The following MTUS2 variants were observed in gnomAD, a reference collection of about 807,000 sequenced individuals.
The protein encoded by MTUS2 is microtubule associated scaffold protein 2.
Under a neutral mutation model 114.1 loss-of-function variants are expected in MTUS2, and 40 were observed. That is an observed-to-expected ratio of 0.35 (90% CI 0.27 to 0.46). The LOEUF is 0.46. Among genes scored for constraint, MTUS2 ranks in the 20% least tolerant of loss-of-function variants. MTUS2 has a pLI of 1.00. For synonymous variants in MTUS2, 688 were observed against 672.0 expected, an observed-to-expected ratio of 1.02 and a Z score of -0.37; for missense variants, 1,679 against 1,705.4, an observed-to-expected ratio of 0.98 and a Z score of 0.27.
intron 2 of MTUS2, among the ~76,000 whole-genome samples, chr13:29,006,078 A>G (rs1032494020): frequency 6.6e-6 from 1 of 152,144 alleles, no homozygotes; most frequent in Non-Finnish European, 1.5e-5. Context: ...TTTCTCTTGT[A>G]TGGAGGGGCT....
intron 5 of MTUS2, among the ~76,000 whole-genome samples, chr13:29,220,826 T>C (rs2139320789): frequency 6.6e-6 from 1 of 152,312 alleles, no homozygotes; most frequent in South Asian, 2.1e-4. Flanking sequence ...GAGAAGTAGA[T>C]TACACCACAG....
intron 5 of MTUS2, among the ~76,000 whole-genome samples, chr13:29,275,199 T>C (rs142377850): frequency 6.6e-6 from 1 of 152,306 alleles, no homozygotes; most frequent in East Asian, 1.9e-4. Context: ...TTATTGTTTT[T>C]TAGATTTAAA....
intron 15 of MTUS2, among the ~76,000 whole-genome samples, chr13:29,501,637 C>T (rs1049099089): frequency 4.6e-5 from 7 of 152,288 alleles, no homozygotes; most frequent in Non-Finnish European, 7.4e-5. Context: ...TGTTCAGGCT[C>T]CTCCCTCACA....
At position 29,012,221 on chromosome 13, in the gene MTUS2, G is replaced by A. The variant is rs148686198; in HGVS notation, c.-242-12236G>A. Among the ~76,000 whole-genome samples, 118 of 152,244 alleles carry A rather than the reference G, an allele frequency of 7.8e-4. No homozygotes were observed. In the East Asian group the frequency reaches 9.9e-3, roughly 13 times the overall value. On this transcript the variant is annotated intron_variant, in intron 2 of 15. Coordinates refer to ENST00000612955, the MANE Select transcript of MTUS2 (RefSeq NM_001033602.4). ...CTGCTCTGAAGTAAACCCATGTGGC[G>A]AAGCTTGGTGGAGAGTGGCCTAGCA...
At chr13:29,267,080 G>A (rs1420636332) in intron 5 of MTUS2, among the ~76,000 whole-genome samples, 2 of 152,212 alleles carry the variant, frequency 1.3e-5, no homozygotes, top group Non-Finnish European at 2.9e-5. Context: ...GTCTCAGCAA[G>A]AGGCACTAAG....
intron 7 of MTUS2, among the ~76,000 whole-genome samples, chr13:29,334,836 A>G (rs963130101): frequency 1.3e-5 from 2 of 152,120 alleles, no homozygotes; most frequent in Admixed American, 6.5e-5. Context: ...GTGGATATTT[A>G]TCACTTCCCC....
At chr13:29,330,396 T>A (rs562123381) in intron 7 of MTUS2, among the ~76,000 whole-genome samples, 1 of 152,350 alleles carries the variant, frequency 6.6e-6, no homozygotes, top group East Asian at 1.9e-4. Context: ...GCCTGTTCAC[T>A]CTGATGCTAG....
At chr13:29,399,751 C>T (rs1366093861) in intron 8 of MTUS2, among the ~76,000 whole-genome samples, 1 of 152,050 alleles carries the variant, frequency 6.6e-6, no homozygotes. Flanking sequence ...TTATTAAAAA[C>T]AATAGTGACT....
At chr13:29,091,870 A>G (rs764040473) in intron 4 of MTUS2, among the ~76,000 whole-genome samples, 2 of 152,238 alleles carry the variant, frequency 1.3e-5, no homozygotes, top group Non-Finnish European at 2.9e-5. Flanking sequence ...TCAAAGCACA[A>G]GAAGCCAAGA....
intron 8 of MTUS2, among the ~76,000 whole-genome samples, chr13:29,421,989 G>A (rs1038306803): frequency 6.6e-6 from 1 of 152,224 alleles, no homozygotes; most frequent in Non-Finnish European, 1.5e-5. Context: ...TAGGTTGTTT[G>A]TATATTTGTT....
At chr13:29,009,255 C>T (rs11618690) in intron 2 of MTUS2, among the ~76,000 whole-genome samples, 77,079 of 151,784 alleles carry the variant, frequency 0.51, 19,749 homozygotes, top group South Asian at 0.72. Context: ...CAATCTATGG[C>T]ACAGCCATAT....
In MTUS2 at chr13:29,333,701, G is replaced by T. The variant is rs75614939; in HGVS notation, c.2905+8990G>T. The stretch of plus-strand genomic sequence containing the variant: ...GGAGAGTTCTGTAGATGACTATTAG[G>T]TCCGTTTGGTCCAGAGCTGAGTTCA... On this transcript the variant is annotated intron_variant, in intron 7 of 15. Transcript: ENST00000612955. Among the ~76,000 whole-genome samples, 3 of 152,238 alleles carry T rather than the reference G, an allele frequency of 2.0e-5. No homozygotes were observed. The East Asian group carries it at 5.8e-4, about 29-fold the overall frequency.
intron 7 of MTUS2, among the ~76,000 whole-genome samples, chr13:29,337,229 C>T (rs557657702): frequency 6.6e-6 from 1 of 152,252 alleles, no homozygotes; most frequent in East Asian, 1.9e-4. Context: ...CTGTGTCTAC[C>T]CGAATGGCCA....
At chr13:28,858,232 T>C (rs1230659249) in intron 2 of MTUS2, among the ~76,000 whole-genome samples, 3 of 152,184 alleles carry the variant, frequency 2.0e-5, no homozygotes, top group African/African-American at 7.2e-5. Flanking sequence ...GAAAGACTTT[T>C]CTACCTTGCA....
At chr13:29,499,123 T>C (rs977924901) in intron 14 of MTUS2, among the ~76,000 whole-genome samples, 1 of 152,226 alleles carries the variant, frequency 6.6e-6, no homozygotes, top group African/African-American at 2.4e-5. Context: ...ACCATCACTT[T>C]GGGGGTTAGG....
chr13:29,348,427 C>T (rs1184860173), intron 7 of MTUS2, among the ~76,000 whole-genome samples: 2 of 151,900 alleles, frequency 1.3e-5, no homozygotes, highest in Non-Finnish European at 2.9e-5. Context: ...CTTATTATGT[C>T]GCAGATGACT....
At chr13:29,240,990 G>A (rs189981774) in intron 5 of MTUS2, among the ~76,000 whole-genome samples, 5 of 152,122 alleles carry the variant, frequency 3.3e-5, no homozygotes, top group Non-Finnish European at 4.4e-5. Context: ...GCCCTTATCA[G>A]CTTCTTTAAT....
chr13:29,028,181 T>C, intron 3 of MTUS2, among the ~76,000 whole-genome samples: 1 of 151,116 alleles, frequency 6.6e-6, no homozygotes, highest in East Asian at 2.0e-4. Flanking sequence ...TGAAACCCCG[T>C]CTCTACTAAA....
chr13:29,488,124 T>C, intron 11 of MTUS2, 119 bp downstream of exon 11: 1 of 755,186 alleles, frequency 1.3e-6, no homozygotes, highest in African/African-American at 1.7e-5. Flanking sequence ...CTTTCCCTCC[T>C]GGTGCATTTT....
Sources: allele counts gnomAD v4.1 joint callset (sites outside exome capture counted in the v4.1 genomes callset), GRCh38; gene constraint gnomAD v4.1.1; transcripts MANE v1.5; gene names NCBI Gene and HGNC (gene_info 2026-07-23, HGNC 2026-07-21).